GDAP2: variants seen among roughly 807,000 people sequenced by gnomAD.
GDAP2 encodes the protein ganglioside induced differentiation associated protein 2, also known as ganglioside-induced differentiation-associated protein 2.
In GDAP2, 51 loss-of-function variants were observed where a neutral mutation model predicts 67.0. That is an observed-to-expected ratio of 0.76 (90% CI 0.61 to 0.96). GDAP2 has a LOEUF of 0.96. Ranked by LOEUF, GDAP2 falls within the 40% of genes least tolerant of loss-of-function variation. GDAP2 has a pLI of 0.00. For missense variants in GDAP2, 547 were observed against 588.3 expected (o/e 0.93, Z 0.73); for synonymous variants, 203 against 207.3 (o/e 0.98, Z 0.18).
At chr1:117,901,969 T>C (rs1458318305) in intron 6 of GDAP2, among the ~76,000 whole-genome samples, 1 of 152,118 alleles carries the variant, frequency 6.6e-6, no homozygotes. Context: ...AACTAGCCAG[T>C]CCTAAACTGT....
Position 117,870,228 on chromosome 1 carries a change from A to G in GDAP2, c.*341T>C. 1 of 305,220 alleles carries G rather than the reference A, an allele frequency of 3.3e-6. No individual in the cohort carries two copies. The highest frequency in any genetic ancestry group is 6.1e-6 in the Non-Finnish European group (1 of 163,652). 18.9% of individuals were successfully genotyped at this position (305,220 alleles called of 1,614,324 possible). A position where few individuals can be genotyped will look rare whatever the true frequency, so the allele number is the denominator to read the frequency against. ...AAAGGAAGCGTGCAATGTTAGAGAG[A>G]TGATGTGAACAGTCTTGGTGGTTTA... On this transcript the variant is annotated 3_prime_UTR_variant, in exon 14 of 14. Coordinates refer to ENST00000369443, the MANE Select transcript of GDAP2 (RefSeq NM_017686.4).
intron 10 of GDAP2, among the ~76,000 whole-genome samples, chr1:117,884,052 C>T (rs1648760939): frequency 1.3e-5 from 2 of 152,136 alleles, no homozygotes; most frequent in African/African-American, 4.8e-5. Flanking sequence ...CAATCAAAGT[C>T]TTTGCAGTCT....
chr1:117,905,120 T>C (rs1649613597), intron 6 of GDAP2, among the ~76,000 whole-genome samples: 1 of 152,212 alleles, frequency 6.6e-6, no homozygotes, highest in Non-Finnish European at 1.5e-5. Context: ...TGATCATTTC[T>C]CATGTGGAGT....
chr1:117,872,312 C>A (rs887503796), intron 13 of GDAP2, among the ~76,000 whole-genome samples: 3 of 152,112 alleles, frequency 2.0e-5, no homozygotes, highest in African/African-American at 7.2e-5. Context: ...ACCACAAATA[C>A]CATTTGACCC....
Position 117,906,513 on chromosome 1 carries a change from A to G in GDAP2, c.629T>C (p.Leu210Pro). 6.5e-7 allele frequency: 1 copy of G among 1,538,418 alleles called. No homozygotes were observed. The highest frequency in any genetic ancestry group is 9.0e-7 in the Non-Finnish European group (1 of 1,116,022). ...TAACAGTTAGCAAAATACCTCTTCA[A>G]GATCAGAGACAGCAAATACTACTTT... ...IEKVVFAVSD[L>P]EEGTYQKLLP... The change falls in exon 6 of 14, where the codon CTT becomes CCT. Residue 210 changes from leucine (L) to proline (P), a missense_variant. Coordinates refer to ENST00000369443, the MANE Select transcript of GDAP2 (RefSeq NM_017686.4).
In GDAP2 at chr1:117,917,340, G is replaced by C. The variant is rs1199768630; in HGVS notation, c.316+1257C>G. ...AAAAGGGGATAGGATTAAGTATGCA[G>C]CCCTTTAGTAATAACCTAAAGGTTG... On this transcript the variant is annotated intron_variant, in intron 3 of 13. Coordinates refer to ENST00000369443, the MANE Select transcript of GDAP2 (RefSeq NM_017686.4). 2.0e-5 allele frequency among the ~76,000 whole-genome samples: 3 copies of C among 152,164 alleles called. No homozygotes were observed. In the East Asian group the frequency reaches 5.8e-4, roughly 29 times the overall value.
chr1:117,886,499 G>T, intron 10 of GDAP2, 78 bp downstream of exon 10: 1 of 791,282 alleles, frequency 1.3e-6, no homozygotes, highest in African/African-American at 1.7e-5. Context: ...TCATATTGTA[G>T]GCCTTGATTC....
chr1:117,884,813 C>CGTGTGTGTGTGTGTGT (rs35296112), intron 10 of GDAP2, among the ~76,000 whole-genome samples: 51 of 147,968 alleles, frequency 3.4e-4, no homozygotes, highest in African/African-American at 1.1e-3. Flanking sequence ...TTATTCCCTC[C>CGTGTGTGTGTGTGTGT]GTGTGTGTGT....
chr1:117,902,996 T>C (rs1289276883), intron 6 of GDAP2, among the ~76,000 whole-genome samples: 3 of 152,228 alleles, frequency 2.0e-5, no homozygotes, highest in African/African-American at 7.2e-5. Context: ...TTAAGTATAG[T>C]TCAAATATTT....
chr1:117,906,037 T>C (rs1256580111), intron 6 of GDAP2, among the ~76,000 whole-genome samples: 1 of 152,166 alleles, frequency 6.6e-6, no homozygotes, highest in Non-Finnish European at 1.5e-5. Context: ...AATAAACTGA[T>C]TTTCTAAAAT....
chr1:117,875,223 T>A (rs533191129), intron 13 of GDAP2, among the ~76,000 whole-genome samples: 2 of 152,130 alleles, frequency 1.3e-5, no homozygotes, highest in African/African-American at 4.8e-5. Flanking sequence ...GAAGACAGAA[T>A]GGTTTGGGAG....
At chr1:117,881,502 C>T (rs1648645345) in intron 12 of GDAP2, among the ~76,000 whole-genome samples, 1 of 152,088 alleles carries the variant, frequency 6.6e-6, no homozygotes, top group African/African-American at 2.4e-5. Context: ...ACAGCTGAGA[C>T]CTGAAGGTCA....
chr1:117,926,718 T>C (rs1483645559), intron 1 of GDAP2, among the ~76,000 whole-genome samples: 5 of 152,208 alleles, frequency 3.3e-5, no homozygotes, highest in Non-Finnish European at 5.9e-5. Context: ...CACAGGCCCC[T>C]TTGAGAATCA....
intron 3 of GDAP2, among the ~76,000 whole-genome samples, chr1:117,916,883 A>G (rs1650062560): frequency 6.6e-6 from 1 of 151,932 alleles, no homozygotes; most frequent in South Asian, 2.1e-4. Flanking sequence ...AAAATACAAA[A>G]ATCAGCCAGG....
chr1:117,901,697 T>C (rs919081428), intron 6 of GDAP2, among the ~76,000 whole-genome samples: 1 of 152,212 alleles, frequency 6.6e-6, no homozygotes, highest in Non-Finnish European at 1.5e-5. Context: ...TTAATTTTTT[T>C]TTTCTATTTT....
intron 5 of GDAP2, among the ~76,000 whole-genome samples, chr1:117,909,067 T>C (rs1649759240): frequency 6.6e-6 from 1 of 152,018 alleles, no homozygotes; most frequent in East Asian, 1.9e-4. Context: ...GTTTTAGTAC[T>C]AAAGGCCAGG....
At position 117,874,381 on chromosome 1, in the gene GDAP2, G is replaced by C. The variant is rs147628202; in HGVS notation, c.1446+3628C>G. On this transcript the variant is annotated intron_variant, in intron 13 of 13. Coordinates refer to ENST00000369443, the MANE Select transcript of GDAP2 (RefSeq NM_017686.4). ...TCTCTTGCTTTCTCTTTTGCCATGT[G>C]ATCTCTACACCCACCAGCTCCCCTT... is the stretch of plus-strand genomic sequence containing the variant. Among the ~76,000 whole-genome samples, 344 of 152,236 alleles carry C rather than the reference G, an allele frequency of 2.3e-3. 1 individual carries two copies. Among genetic ancestry groups the C allele is most frequent in the South Asian group, 3.7e-3 (18 of 4,816 alleles).
chr1:117,922,726 C>T lies in GDAP2; in HGVS notation c.-67-2302G>A, dbSNP rs1650301330. ...TCACAGAGATCACATGCTTCAAGGGCAACAAAAGATCACAAGGCAGAAGGT... is the reference window on the plus strand; with the variant it reads ...TCACAGAGATCACATGCTTCAAGGGTAACAAAAGATCACAAGGCAGAAGGT... On this transcript the variant is annotated intron_variant, in intron 1 of 13. Transcript: ENST00000369443. Among the ~76,000 whole-genome samples the T allele has an allele frequency of 2.0e-5, 3 of 152,258 alleles. No individual in the cohort carries two copies. The South Asian group carries it at 6.2e-4, about 32-fold the overall frequency.
chr1:117,920,797 T>A (rs1222274776), intron 1 of GDAP2, among the ~76,000 whole-genome samples: 1 of 151,220 alleles, frequency 6.6e-6, no homozygotes, highest in African/African-American at 2.4e-5. Flanking sequence ...ATATGTATAA[T>A]TTAAAGTCTG....
Sources: allele counts gnomAD v4.1 joint callset (sites outside exome capture counted in the v4.1 genomes callset), GRCh38; gene constraint gnomAD v4.1.1; transcripts MANE v1.5; gene names NCBI Gene and HGNC (gene_info 2026-07-23, HGNC 2026-07-21).